Variants in TMEM184C observed in about 807,000 individuals in gnomAD.
The protein encoded by TMEM184C is transmembrane protein 34.
A neutral mutation model predicts 54.5 loss-of-function variants in TMEM184C; 25 were observed. The ratio of observed to expected loss-of-function variants is 0.46; its 90% CI spans 0.33 to 0.64. The LOEUF is 0.64. Ranked by LOEUF, TMEM184C falls within the 30% of genes least tolerant of loss-of-function variation. The pLI, the probability that TMEM184C is intolerant of heterozygous loss-of-function variation, is 0.02. For missense variants in TMEM184C, 335 were observed against 520.3 expected, an observed-to-expected ratio of 0.64 and a Z score of 3.46; for synonymous variants, 148 against 181.5, an observed-to-expected ratio of 0.82 and a Z score of 1.49.
chr4:147,635,521 A>AAAT lies in TMEM184C; in HGVS notation c.*1090_*1092dup, dbSNP rs1344711181. On this transcript the variant is annotated 3_prime_UTR_variant, in exon 10 of 10. Coordinates refer to ENST00000296582, the MANE Select transcript of TMEM184C (RefSeq NM_018241.3). ...GGTCATGTTTGACATTTTATAATGA[A>AAAT]AATAAAACAGAAAGTGCCATAGTAT... 1 of 152,214 alleles carries AAAT rather than the reference A, an allele frequency of 6.6e-6. No homozygotes were observed. Among genetic ancestry groups the AAAT allele is most frequent in the Non-Finnish European group, 1.5e-5 (1 of 68,034 alleles). 9.4% of individuals were successfully genotyped at this position (152,214 alleles called of 1,614,324 possible).
At position 147,617,758 on chromosome 4, in the gene TMEM184C, G is replaced by A. The variant is rs1732624337; in HGVS notation, c.-199G>A. ...CTGCACTGCTCGCCAATAGCACCCT[G>A]AGAGGCTACATTTGCAGAAGCAGCA... is the stretch of plus-strand genomic sequence containing the variant. On this transcript the variant is annotated 5_prime_UTR_variant, in exon 1 of 10. Transcript: ENST00000296582. The A allele has an allele frequency of 2.3e-5, 15 of 640,014 alleles. 1 individual carries two copies. In the South Asian group the frequency reaches 2.6e-4, roughly 11 times the overall value. The allele number at this position is 640,014 out of a possible 1,614,324, so 39.6% of individuals were successfully genotyped here.
At chr4:147,626,181 A>C (rs894177198) in intron 4 of TMEM184C, among the ~76,000 whole-genome samples, 4 of 151,850 alleles carry the variant, frequency 2.6e-5, no homozygotes, top group Admixed American at 2.6e-4. Context: ...CAGCTGCATG[A>C]CTCCTAAACC....
chr4:147,624,985 G>T lies in TMEM184C; in HGVS notation c.473G>T (p.Cys158Phe). Residue 158 changes from cysteine (C) to phenylalanine (F), a missense_variant, in exon 4 of 10, where the codon TGC (cysteine) becomes TTC (phenylalanine). By Grantham distance (205) the Cys-to-Phe change is radical. Coordinates refer to ENST00000296582, the MANE Select transcript of TMEM184C (RefSeq NM_018241.3). ...DQQKHFPPLC[C>F]CPPWAMGEVL... is the part of the protein sequence containing the mutation. ...CAGAAACATTTCCCTCCTTTATGTT[G>T]CTGTCCACCATGGGCTATGGGAGAG... 6.2e-7 allele frequency: 1 copy of T among 1,613,854 alleles called. No homozygotes were observed. The highest frequency in any genetic ancestry group is 8.5e-7 in the Non-Finnish European group (1 of 1,179,864).
Position 147,635,617 on chromosome 4 carries a change from A to ATATC in TMEM184C, c.*1191_*1194dup, listed in dbSNP as rs1403810126. On this transcript the variant is annotated 3_prime_UTR_variant, in exon 10 of 10. Transcript: ENST00000296582. ...TATGTATTTATACACATACTCATTC[A>ATATC]TATCTATCTATATATATAGAGAGAG... The ATATC allele has an allele frequency of 2.0e-5, 3 of 152,214 alleles. No individual in the cohort carries two copies. The highest frequency in any genetic ancestry group is 7.2e-5 in the African/African-American group (3 of 41,464). 9.4% of individuals were successfully genotyped at this position (152,214 alleles called of 1,614,324 possible).
At chr4:147,623,764 C>T (rs1732759739) in intron 1 of TMEM184C, 70 bp from the exon 2 acceptor site, 6 of 1,475,576 alleles carry the variant, frequency 4.1e-6, no homozygotes, top group Middle Eastern at 2.4e-4. Context: ...AGGCACAAGG[C>T]ACTGAGCCTG....
intron 3 of TMEM184C, among the ~76,000 whole-genome samples, 168 bp from the exon 4 acceptor site, chr4:147,624,636 A>G (rs1193043777): frequency 1.3e-5 from 2 of 152,136 alleles, no homozygotes; most frequent in Admixed American, 1.3e-4. Flanking sequence ...TTAAGCATTC[A>G]TTTCACAGAT....
intron 1 of TMEM184C, among the ~76,000 whole-genome samples, chr4:147,620,563 G>A (rs1246084472): frequency 1.3e-5 from 2 of 152,210 alleles, no homozygotes; most frequent in Non-Finnish European, 2.9e-5. Flanking sequence ...GGTGTTGGGT[G>A]CCTGGGCTAT....
At chr4:147,621,067 G>T (rs532733442) in intron 1 of TMEM184C, among the ~76,000 whole-genome samples, 1 of 152,314 alleles carries the variant, frequency 6.6e-6, no homozygotes, top group South Asian at 2.1e-4. Flanking sequence ...TGGAATGGTA[G>T]GGTGACCATC....
At chr4:147,623,787 T>G (rs753964218) in intron 1 of TMEM184C, 47 bp from the exon 2 acceptor site, 1 of 1,592,996 alleles carries the variant, frequency 6.3e-7, no homozygotes, top group Non-Finnish European at 8.6e-7. Flanking sequence ...CAAGCTCTTT[T>G]GTTTTAATAT....
intron 7 of TMEM184C, among the ~76,000 whole-genome samples, chr4:147,632,387 C>T (rs1354935373): frequency 1.3e-5 from 2 of 151,708 alleles, no homozygotes; most frequent in Non-Finnish European, 2.9e-5. Context: ...TTTTGGAATT[C>T]GACAATGTTC....
rs574380456 is a variant in TMEM184C at position 147,634,656 on chromosome 4, G to A, written c.*222G>A. ...CTTGATTTCTTAACATTAGGGTATC[G>A]CATACTCAAATGGTAGACAATGACC... On this transcript the variant is annotated 3_prime_UTR_variant, in exon 10 of 10. Coordinates refer to ENST00000296582, the MANE Select transcript of TMEM184C (RefSeq NM_018241.3). 8.3e-4 allele frequency: 411 copies of A among 496,598 alleles called. 1 individual carries two copies. The highest frequency in any genetic ancestry group is 1.1e-3 in the Non-Finnish European group (314 of 283,962). 30.8% of individuals were successfully genotyped at this position (496,598 alleles called of 1,614,324 possible).
At chr4:147,625,037 T>G in intron 4 of TMEM184C, 28 bp downstream of exon 4, 3 of 1,610,272 alleles carry the variant, frequency 1.9e-6, no homozygotes, top group Non-Finnish European at 2.5e-6. Context: ...AATTCTTTTA[T>G]GTTTTGGTTT....
chr4:147,632,118 A>G (rs1177817420), intron 7 of TMEM184C, among the ~76,000 whole-genome samples: 4 of 149,888 alleles, frequency 2.7e-5, no homozygotes, highest in Admixed American at 6.7e-5. Context: ...GGTTGCGGTG[A>G]GCCAAAATCA....
Position 147,634,408 on chromosome 4 carries a change from C to A in TMEM184C, c.1291C>A (p.Pro431Thr), listed in dbSNP as rs753219100. 8 of 1,613,966 alleles carry A rather than the reference C, an allele frequency of 5.0e-6. No homozygotes were observed. The highest frequency in any genetic ancestry group is 1.1e-5 in the South Asian group (1 of 91,030). ...TGATACTATAGGAGAGAAAAAAGAA[C>A]CTTCAGATAAATCCGTGGATTCCTG... ...LSDTIGEKKE[P>T]SDKSVDS The change falls in exon 10 of 10, where the codon CCT (proline) becomes ACT (threonine). Residue 431 changes from proline to threonine, a missense_variant. Pro to Thr is a conservative substitution (Grantham distance 38). Transcript: ENST00000296582.
At position 147,631,446 on chromosome 4, in the gene TMEM184C, C is replaced by A; in HGVS notation, c.720C>A (p.Ser240Arg). The part of the protein sequence containing the change: ...LFYKVLKEEL[S>R]PIQPVGKFLC... ...ATAAAGTACTAAAAGAAGAACTGAG[C>A]CCAATCCAACCTGTTGGCAAATTTC... is the stretch of plus-strand genomic sequence containing the variant. The change falls in exon 7 of 10, where the codon AGC becomes AGA. Residue 240 changes from serine (S) to arginine (R), a missense_variant. Ser to Arg is a moderately radical substitution (Grantham distance 110, BLOSUM62 -1). Transcript: ENST00000296582. The A allele has an allele frequency of 6.2e-7, 1 of 1,607,206 alleles. No homozygotes were observed. Among genetic ancestry groups the A allele is most frequent in the Non-Finnish European group, 8.5e-7 (1 of 1,178,578 alleles).
intron 8 of TMEM184C, among the ~76,000 whole-genome samples, chr4:147,633,335 G>A (rs763658511): frequency 7.9e-5 from 12 of 151,340 alleles, no homozygotes; most frequent in Admixed American, 4.6e-4. Context: ...AGTGACTCAC[G>A]CCTGTAATCC....
At chr4:147,631,861 G>C (rs991783325) in intron 7 of TMEM184C, among the ~76,000 whole-genome samples, 1 of 152,142 alleles carries the variant, frequency 6.6e-6, no homozygotes, top group African/African-American at 2.4e-5. Flanking sequence ...TTTTAAAACA[G>C]AAGGTAAAAC....
intron 3 of TMEM184C, among the ~76,000 whole-genome samples, chr4:147,624,585 C>T (rs1463727285): frequency 6.6e-6 from 1 of 151,100 alleles, no homozygotes; most frequent in Non-Finnish European, 1.5e-5. Flanking sequence ...ACCCCTCAAA[C>T]ACTTGTTTTT....
chr4:147,621,320 C>T (rs1732704381), intron 1 of TMEM184C, among the ~76,000 whole-genome samples: 1 of 152,146 alleles, frequency 6.6e-6, no homozygotes, highest in South Asian at 2.1e-4. Context: ...TTAACTTATT[C>T]TTGGATGCTT....
Sources: gnomAD v4.1 joint callset for allele counts (sites outside exome capture counted in the v4.1 genomes callset) on GRCh38, gnomAD v4.1.1 for gene constraint, MANE v1.5 for transcripts, NCBI Gene and HGNC (gene_info 2026-07-23, HGNC 2026-07-21) for gene names.